AP3S2: variants seen among roughly 807,000 people sequenced by gnomAD.
AP3S2 encodes the protein AP-3 complex subunit sigma-2.
A neutral mutation model predicts 23.4 loss-of-function variants in AP3S2; 22 were observed. The observed-to-expected ratio is 0.94, with a 90% CI of 0.67 to 1.34. The LOEUF (loss-of-function observed/expected upper bound fraction) is 1.34, where lower values mean the gene tolerates loss of function less well. Among genes scored for constraint, AP3S2 ranks in the 40% most tolerant of loss-of-function variants. The pLI is 0.00. For missense variants in AP3S2, 241 were observed against 236.9 expected, an observed-to-expected ratio of 1.02 and a Z score of -0.11; for synonymous variants, 86 against 87.1, an observed-to-expected ratio of 0.99 and a Z score of 0.07.
chr15:89,866,682 T>C (rs1896131119), intron 4 of AP3S2, among the ~76,000 whole-genome samples: 1 of 151,854 alleles, frequency 6.6e-6, no homozygotes, highest in Admixed American at 6.5e-5. Context: ...ACGGGGTTTC[T>C]CCATGTTGGT....
chr15:89,859,141 G>A (rs1035854058), intron 4 of AP3S2, among the ~76,000 whole-genome samples: 26 of 151,238 alleles, frequency 1.7e-4, no homozygotes, highest in African/African-American at 6.3e-4. Flanking sequence ...TTATCGTCGT[G>A]AGCCTCCACA....
Position 89,847,798 on chromosome 15 carries a change from T to G in AP3S2, c.346-10076A>C, listed in dbSNP as rs1203286711. ...AATGTTTAAGTATTTAAATTTACAA[T>G]GCATTTTTCTATAAAGGTAATAAGT... On this transcript the variant is annotated intron_variant, in intron 4 of 5. Transcript: ENST00000336418. Among the ~76,000 whole-genome samples the G allele has an allele frequency of 2.0e-5, 3 of 152,228 alleles. No individual in the cohort carries two copies. In the South Asian group the frequency reaches 6.2e-4, roughly 31 times the overall value.
At chr15:89,858,767 C>G (rs1895928767) in intron 4 of AP3S2, among the ~76,000 whole-genome samples, 1 of 152,254 alleles carries the variant, frequency 6.6e-6, no homozygotes, top group East Asian at 1.9e-4. Context: ...ACAACCTTGA[C>G]AAACACTAGG....
At chr15:89,849,988 C>G (rs1165207224) in intron 4 of AP3S2, among the ~76,000 whole-genome samples, 1 of 152,146 alleles carries the variant, frequency 6.6e-6, no homozygotes, top group Non-Finnish European at 1.5e-5. Flanking sequence ...TTATCCATGT[C>G]CCTGCAAAGG....
chr15:89,835,780 C>A, intron 5 of AP3S2, 137 bp from the exon 6 acceptor site: 3 of 1,366,766 alleles, frequency 2.2e-6, no homozygotes, highest in East Asian at 2.5e-5. Context: ...GTAATCCCAG[C>A]ACTTTGGGAG....
intron 4 of AP3S2, among the ~76,000 whole-genome samples, chr15:89,849,998 GA>G (rs1305111952): frequency 3.3e-5 from 5 of 152,146 alleles, no homozygotes; most frequent in Non-Finnish European, 7.4e-5. Flanking sequence ...CCCTGCAAAG[GA>G]CATGAACTCA....
intron 1 of AP3S2, 40 bp downstream of exon 1, chr15:89,893,841 G>A (rs1896876264): frequency 6.5e-7 from 1 of 1,549,628 alleles, no homozygotes. Context: ...AGACATAGTG[G>A]GCGCCCTGAA....
At chr15:89,868,089 C>T (rs2141876406) in intron 4 of AP3S2, among the ~76,000 whole-genome samples, 2 of 120,826 alleles carry the variant, frequency 1.7e-5, no homozygotes, top group South Asian at 6.0e-4. Context: ...CTCAGCCTGG[C>T]CAGCCACCCC....
At chr15:89,881,874 G>A (rs960399595) in intron 3 of AP3S2, among the ~76,000 whole-genome samples, 2 of 150,702 alleles carry the variant, frequency 1.3e-5, no homozygotes, top group Admixed American at 6.6e-5. Context: ...AGGCTGGAGC[G>A]CAATGGCACG....
chr15:89,847,499 C>G (rs1895526312), intron 4 of AP3S2, among the ~76,000 whole-genome samples: 2 of 151,682 alleles, frequency 1.3e-5, no homozygotes, highest in Admixed American at 1.3e-4. Flanking sequence ...CCTCAGGAAC[C>G]TAGCTCTAGA....
rs61629358 is a variant in AP3S2, at chr15:89,889,688, AC to A, written c.70-549del. Among the ~76,000 whole-genome samples the A allele has an allele frequency of 4.0e-3, 615 of 151,980 alleles. 4 individuals carry two copies. Among genetic ancestry groups the A allele is most frequent in the African/African-American group, 0.014 (599 of 41,490 alleles). ...ATCTCTACTAAAAATACAAAAAAAA[AC>A]AAAACAAAATAAAACAAAAAAACAA... On this transcript the variant is annotated intron_variant, in intron 1 of 5. Transcript: ENST00000336418.
intron 4 of AP3S2, among the ~76,000 whole-genome samples, chr15:89,839,048 T>A (rs1341298422): frequency 1.3e-5 from 2 of 152,146 alleles, no homozygotes; most frequent in Admixed American, 6.6e-5. Context: ...TTCTCTAGCA[T>A]CCCTGGTCTC....
intron 3 of AP3S2, among the ~76,000 whole-genome samples, chr15:89,878,720 C>T (rs566230922): frequency 5.3e-5 from 8 of 151,978 alleles, no homozygotes; most frequent in Non-Finnish European, 1.0e-4. Context: ...TGCTACCACC[C>T]GAGGCTAATT....
intron 3 of AP3S2, among the ~76,000 whole-genome samples, chr15:89,882,879 T>C (rs960020983): frequency 6.6e-6 from 1 of 152,186 alleles, no homozygotes; most frequent in African/African-American, 2.4e-5. Context: ...CCTGATAAAT[T>C]TTGCCTTTAC....
At chr15:89,866,074 A>G (rs866388593) in intron 4 of AP3S2, among the ~76,000 whole-genome samples, 3 of 152,014 alleles carry the variant, frequency 2.0e-5, no homozygotes, top group Non-Finnish European at 2.9e-5. Flanking sequence ...CCAGCCTGAC[A>G]GATATGATGA....
At chr15:89,867,097 C>T (rs1174017047) in intron 4 of AP3S2, among the ~76,000 whole-genome samples, 1 of 147,400 alleles carries the variant, frequency 6.8e-6, no homozygotes, top group Admixed American at 6.8e-5. Context: ...GTACTACTGC[C>T]ATCTCGGCTC....
intron 3 of AP3S2, among the ~76,000 whole-genome samples, chr15:89,882,264 A>T (rs1446715121): frequency 6.6e-6 from 1 of 152,078 alleles, no homozygotes; most frequent in Non-Finnish European, 1.5e-5. Context: ...CATATTAATT[A>T]AAAAAAGAAA....
intron 3 of AP3S2, among the ~76,000 whole-genome samples, chr15:89,873,710 T>A (rs1896373816): frequency 6.6e-6 from 1 of 152,134 alleles, no homozygotes; most frequent in African/African-American, 2.4e-5. Flanking sequence ...TTCCTCTCAT[T>A]TTTTATTTCT....
At chr15:89,881,964 G>A (rs769078926) in intron 3 of AP3S2, among the ~76,000 whole-genome samples, 4 of 151,988 alleles carry the variant, frequency 2.6e-5, no homozygotes, top group Non-Finnish European at 5.9e-5. Flanking sequence ...GGGATTACAG[G>A]TGCATACCAC....
Sources: gnomAD v4.1 joint callset for allele counts (sites outside exome capture counted in the v4.1 genomes callset) on GRCh38, gnomAD v4.1.1 for gene constraint, MANE v1.5 for transcripts, NCBI Gene and HGNC (gene_info 2026-07-23, HGNC 2026-07-21) for gene names.